Variants in CTNNA2 observed in about 807,000 individuals in gnomAD.
The protein encoded by CTNNA2 is catenin alpha-2.
CTNNA2 carries 42 observed loss-of-function variants against 101.0 expected under a neutral mutation model. That is an observed-to-expected ratio of 0.42 (90% CI 0.32 to 0.54). The LOEUF (loss-of-function observed/expected upper bound fraction) is 0.54. Among genes scored for constraint, CTNNA2 ranks in the 20% least tolerant of loss-of-function variants. The pLI is 0.14. For synonymous variants in CTNNA2, 450 were observed against 456.4 expected, an observed-to-expected ratio of 0.99 and a Z score of 0.18; for missense variants, 871 against 1,223.1, an observed-to-expected ratio of 0.71 and a Z score of 4.29.
chr2:79,609,858 A>G (rs1199106920), intron 1 of CTNNA2, among the ~76,000 whole-genome samples: 2 of 151,996 alleles, frequency 1.3e-5, no homozygotes, highest in Non-Finnish European at 2.9e-5. Flanking sequence ...AGAAGGAGAC[A>G]TAGGAGAAAA....
chr2:79,746,307 G>A (rs1027336439), intron 3 of CTNNA2, among the ~76,000 whole-genome samples: 4 of 152,024 alleles, frequency 2.6e-5, no homozygotes, highest in Admixed American at 2.6e-4. Context: ...CTGGATATTA[G>A]CATCTTATCA....
chr2:80,177,046 A>C (rs1037371286), intron 7 of CTNNA2, among the ~76,000 whole-genome samples: 3 of 152,140 alleles, frequency 2.0e-5, no homozygotes, highest in African/African-American at 7.2e-5. Flanking sequence ...AGCCCTGCAA[A>C]GTATTGTCAC....
At chr2:79,417,276 G>T (rs1159926320) in intron 4 of CTNNA2, among the ~76,000 whole-genome samples, 1 of 152,100 alleles carries the variant, frequency 6.6e-6, no homozygotes, top group East Asian at 1.9e-4. Flanking sequence ...ACTAGAGACA[G>T]AAGTTCTCAT....
chr2:80,625,122 T>C (rs1558655349), intron 18 of CTNNA2, among the ~76,000 whole-genome samples: 2 of 152,048 alleles, frequency 1.3e-5, no homozygotes, highest in Non-Finnish European at 2.9e-5. Context: ...GTTAAAATTA[T>C]AAGAGTGATA....
At position 80,574,221 on chromosome 2, in the gene CTNNA2, T is replaced by A. The variant is rs2228460; in HGVS notation, c.1800T>A (p.Val600=). ...CCATTGAAGCCCTGAGTGCCAACGT[T>A]CCTCAACCGTTTGAGGAGAATGAGT... is the stretch of plus-strand genomic sequence containing the variant. The part of the protein sequence containing the change: ...EVAIEALSAN[V]PQPFEENEFI... The change falls in exon 13 of 19, where the codon GTT becomes GTA. Residue 600 remains valine, a synonymous_variant. Transcript: ENST00000402739. The A allele has an allele frequency of 4.3e-6, 7 of 1,613,532 alleles. No individual in the cohort carries two copies. The highest frequency in any genetic ancestry group is 5.1e-6 in the Non-Finnish European group (6 of 1,179,682).
At chr2:79,678,065 A>G (rs1448587465) in intron 2 of CTNNA2, among the ~76,000 whole-genome samples, 4 of 152,202 alleles carry the variant, frequency 2.6e-5, no homozygotes, top group African/African-American at 9.7e-5. Flanking sequence ...TGATTCTTTA[A>G]GGTCTGGAAA....
intron 7 of CTNNA2, among the ~76,000 whole-genome samples, chr2:80,067,689 G>A (rs1379328063): frequency 6.6e-6 from 1 of 152,206 alleles, no homozygotes; most frequent in Admixed American, 6.5e-5. Context: ...AAGAAGGGAA[G>A]TGTGACTTTG....
chr2:79,836,415 A>G (rs1679368467), intron 3 of CTNNA2, among the ~76,000 whole-genome samples: 1 of 152,182 alleles, frequency 6.6e-6, no homozygotes. Flanking sequence ...CGCAGAGTAC[A>G]CTTTCAAATG....
At chr2:79,895,869 G>T (rs565963794) in intron 6 of CTNNA2, among the ~76,000 whole-genome samples, 9 of 152,222 alleles carry the variant, frequency 5.9e-5, no homozygotes, top group Admixed American at 4.6e-4. Context: ...ATGGGCAGCA[G>T]ATCTATTTTG....
At chr2:80,162,667 G>C in intron 7 of CTNNA2, 3 of 1,612,726 alleles carry the variant, frequency 1.9e-6, no homozygotes, top group Non-Finnish European at 2.5e-6. Context: ...TGTGATGATG[G>C]TGTACCTTGG....
intron 4 of CTNNA2, among the ~76,000 whole-genome samples, chr2:79,469,982 C>T (rs1670980540): frequency 1.3e-5 from 2 of 152,248 alleles, no homozygotes; most frequent in South Asian, 4.1e-4. Flanking sequence ...GACAGGGATG[C>T]CCTCTCTCAC....
At chr2:80,084,167 C>A (rs1052474432) in intron 7 of CTNNA2, among the ~76,000 whole-genome samples, 3 of 152,054 alleles carry the variant, frequency 2.0e-5, no homozygotes, top group East Asian at 3.9e-4. Context: ...GATTTAGGAG[C>A]AACTCAGAAA....
intron 7 of CTNNA2, among the ~76,000 whole-genome samples, chr2:80,272,442 T>C (rs537771564): frequency 9.1e-4 from 138 of 152,374 alleles, no homozygotes; most frequent in African/African-American, 3.3e-3. Flanking sequence ...TAAATCTTTC[T>C]ATGTTTATTT....
chr2:80,548,011 T>C (rs372670209), intron 11 of CTNNA2, among the ~76,000 whole-genome samples: 104 of 152,290 alleles, frequency 6.8e-4, no homozygotes, highest in African/African-American at 2.4e-3. Flanking sequence ...TTTTTTATTT[T>C]TATTTTTTGC....
intron 7 of CTNNA2, among the ~76,000 whole-genome samples, chr2:80,191,672 T>C (rs1269894998): frequency 1.4e-5 from 2 of 140,660 alleles, no homozygotes; most frequent in African/African-American, 6.3e-5. Flanking sequence ...CTTGAAAATA[T>C]GAAGAGTAAC....
chr2:79,858,213 T>G (rs1181141588), intron 4 of CTNNA2, 34 bp downstream of exon 4: 1 of 1,548,094 alleles, frequency 6.5e-7, no homozygotes, highest in Non-Finnish European at 8.9e-7. Flanking sequence ...ACTTTCTTTA[T>G]GTGAGTGGCA....
At chr2:79,300,027 T>G (rs1006831076) in intron 2 of CTNNA2, among the ~76,000 whole-genome samples, 4 of 152,206 alleles carry the variant, frequency 2.6e-5, no homozygotes, top group African/African-American at 9.7e-5. Context: ...TGTAATACAT[T>G]TGTTACAATT....
intron 7 of CTNNA2, among the ~76,000 whole-genome samples, chr2:80,104,221 G>A (rs975104394): frequency 6.6e-6 from 1 of 152,186 alleles, no homozygotes; most frequent in Non-Finnish European, 1.5e-5. Context: ...TTCTCCACTC[G>A]AATCCTGCCC....
At chr2:79,628,203 G>A (rs1294859914) in intron 1 of CTNNA2, among the ~76,000 whole-genome samples, 1 of 152,118 alleles carries the variant, frequency 6.6e-6, no homozygotes, top group Non-Finnish European at 1.5e-5. Context: ...TGTAATCTCA[G>A]CACTTTGGGA....
Sources: gnomAD v4.1 joint callset for allele counts (sites outside exome capture counted in the v4.1 genomes callset) on GRCh38, gnomAD v4.1.1 for gene constraint, MANE v1.5 for transcripts, NCBI Gene and HGNC (gene_info 2026-07-23, HGNC 2026-07-21) for gene names.